Variants in IRGM observed in about 807,000 individuals in gnomAD.
IRGM encodes immunity-related GTPase family M protein.
For synonymous variants in IRGM, 98 were observed against 80.6 expected (o/e 1.22, Z -1.16); for missense variants, 288 against 219.9 (o/e 1.31, Z -1.96).
chr5:150,898,166 G>A, intron 3 of IRGM: 1 of 1,613,370 alleles, frequency 6.2e-7, no homozygotes, highest in South Asian at 1.1e-5. Flanking sequence ...GATGACATCT[G>A]GTTTGGAAAC....
At chr5:150,885,553 G>T (rs895680815) in intron 3 of IRGM, among the ~76,000 whole-genome samples, 4 of 151,966 alleles carry the variant, frequency 2.6e-5, no homozygotes, top group Non-Finnish European at 5.9e-5. Context: ...ATGAGCATGG[G>T]ATGTTTTTCC....
At chr5:150,863,267 T>G (rs1459468330) in intron 1 of IRGM, among the ~76,000 whole-genome samples, 1 of 152,204 alleles carries the variant, frequency 6.6e-6, no homozygotes, top group Admixed American at 6.5e-5. Flanking sequence ...GAAAAAAGTT[T>G]TAGACCACTG....
downstream of IRGM, among the ~76,000 whole-genome samples, chr5:150,849,495 A>G (rs1486551955): frequency 1.3e-5 from 2 of 152,178 alleles, no homozygotes; most frequent in African/African-American, 4.8e-5. Context: ...AAATATCAAT[A>G]ATTATATTTA....
intron 3 of IRGM, among the ~76,000 whole-genome samples, chr5:150,887,465 T>A (rs1754543346): frequency 6.6e-6 from 1 of 151,904 alleles, no homozygotes; most frequent in Non-Finnish European, 1.5e-5. Flanking sequence ...AATCTATGAA[T>A]CATTGGCATT....
intron 1 of IRGM, among the ~76,000 whole-genome samples, chr5:150,865,195 T>C (rs1561744507): frequency 6.6e-6 from 1 of 152,098 alleles, no homozygotes; most frequent in Non-Finnish European, 1.5e-5. Flanking sequence ...TACAAACACA[T>C]ATACAAGCAC....
rs143785939 is a variant in IRGM at position 150,854,481 on chromosome 5, T to G, written c.158+5827T>G. On this transcript the variant is annotated intron_variant and NMD_transcript_variant, in intron 1 of 3. Transcript: ENST00000520549. Reference sequence around the variant, plus strand: ...CTTTGAAGGGCTGTCTTAACACTGATTATAGTGGAGGACTAGTAGTAATGT... The same window carrying G: ...CTTTGAAGGGCTGTCTTAACACTGAGTATAGTGGAGGACTAGTAGTAATGT... Among the ~76,000 whole-genome samples, 142 of 152,292 alleles carry G rather than the reference T, an allele frequency of 9.3e-4. 1 individual carries two copies. Among genetic ancestry groups the G allele is most frequent in the African/African-American group, 3.3e-3 (136 of 41,576 alleles).
intron 3 of IRGM, chr5:150,896,560 G>T: frequency 6.2e-7 from 1 of 1,613,640 alleles, no homozygotes. Flanking sequence ...TTAGAATTGG[G>T]CTCACTCTGG....
chr5:150,857,849 C>A (rs150141257), intron 1 of IRGM, among the ~76,000 whole-genome samples: 9 of 151,742 alleles, frequency 5.9e-5, no homozygotes, highest in Admixed American at 2.6e-4. Context: ...GAGTAGGTTG[C>A]GAAAATTTTC....
chr5:150,863,793 T>C lies in IRGM; in HGVS notation c.159-14187T>C, dbSNP rs1049621398. On this transcript the variant is annotated intron_variant and NMD_transcript_variant, in intron 1 of 3. Transcript: ENST00000520549. ...TTTCATTCCCAAGTATAGTGCTATA[T>C]AGCCTAACCTTTTATCATTTTCTAA... Among the ~76,000 whole-genome samples, 3 of 152,210 alleles carry C rather than the reference T, an allele frequency of 2.0e-5. No homozygotes were observed. The East Asian group carries it at 5.8e-4, about 29-fold the overall frequency.
chr5:150,881,242 T>A (rs1754440929), intron 3 of IRGM, among the ~76,000 whole-genome samples: 1 of 151,894 alleles, frequency 6.6e-6, no homozygotes, highest in Non-Finnish European at 1.5e-5. Context: ...TGTCAAAAGT[T>A]AAAGAGAATT....
chr5:150,888,419 T>C (rs1754557313), intron 3 of IRGM, among the ~76,000 whole-genome samples: 1 of 152,034 alleles, frequency 6.6e-6, no homozygotes, highest in Non-Finnish European at 1.5e-5. Context: ...TTAACAAAGA[T>C]ATTTAGGACC....
At chr5:150,886,036 T>C (rs376296107) in intron 3 of IRGM, among the ~76,000 whole-genome samples, 1 of 151,990 alleles carries the variant, frequency 6.6e-6, no homozygotes, top group African/African-American at 2.4e-5. Context: ...TGATGTTGGC[T>C]GTTTGTCACA....
At chr5:150,890,423 C>CT (rs1259932507) in intron 3 of IRGM, among the ~76,000 whole-genome samples, 2 of 148,598 alleles carry the variant, frequency 1.3e-5, no homozygotes, top group African/African-American at 4.9e-5. Flanking sequence ...TCTGACATAT[C>CT]TATCTTCTCA....
chr5:150,860,920 G>T (rs192773548), intron 1 of IRGM, among the ~76,000 whole-genome samples: 90 of 152,260 alleles, frequency 5.9e-4, no homozygotes, highest in African/African-American at 2.1e-3. Flanking sequence ...TGATGGTATT[G>T]TATAGTTTAA....
intron 3 of IRGM, among the ~76,000 whole-genome samples, chr5:150,889,504 G>A (rs1384945474): frequency 6.6e-6 from 1 of 151,948 alleles, no homozygotes; most frequent in East Asian, 1.9e-4. Context: ...GATTTGGGTG[G>A]GGACACAGCC....
intron 1 of IRGM, among the ~76,000 whole-genome samples, chr5:150,875,820 A>G (rs2113281921): frequency 6.6e-6 from 1 of 152,318 alleles, no homozygotes; most frequent in Middle Eastern, 3.4e-3. Context: ...CCTTGGGGTG[A>G]TCAGCCAGCT....
At chr5:150,860,459 G>C (rs1441001402) in intron 1 of IRGM, among the ~76,000 whole-genome samples, 5 of 152,176 alleles carry the variant, frequency 3.3e-5, no homozygotes, top group Non-Finnish European at 7.3e-5. Context: ...TGAACTTTTG[G>C]GGGAATCCTA....
At chr5:150,858,025 C>T (rs1269072562) in intron 1 of IRGM, among the ~76,000 whole-genome samples, 2 of 152,056 alleles carry the variant, frequency 1.3e-5, no homozygotes, top group East Asian at 3.8e-4. Flanking sequence ...AATGGTATTG[C>T]CTAGGTTTTC....
intron 1 of IRGM, chr5:150,847,484 C>T (rs1219832779): frequency 6.6e-6 from 1 of 152,628 alleles, no homozygotes; most frequent in Non-Finnish European, 1.5e-5. Context: ...CACATGCCTG[C>T]TTTGGAGGCT....
Sources: allele counts gnomAD v4.1 joint callset (sites outside exome capture counted in the v4.1 genomes callset), GRCh38; gene constraint gnomAD v4.1.1; transcripts MANE v1.5; gene names NCBI Gene and HGNC (gene_info 2026-07-23, HGNC 2026-07-21).